RBMS1: variants seen among roughly 807,000 people sequenced by gnomAD.
RBMS1 encodes RNA-binding motif, single-stranded-interacting protein 1.
RBMS1 carries 17 observed loss-of-function variants against 62.3 expected under a neutral mutation model. That is an observed-to-expected ratio of 0.27 (90% confidence interval 0.19 to 0.41). The LOEUF (loss-of-function observed/expected upper bound fraction) is 0.41, where lower values mean the gene tolerates loss of function less well. Among genes scored for constraint, RBMS1 ranks in the 10% least tolerant of loss-of-function variants. The probability of loss-of-function intolerance (pLI) is 1.00; values close to 1 mark genes in which losing one functional copy is unlikely to be tolerated. For missense variants in RBMS1, 334 were observed against 504.5 expected (o/e 0.66, Z 3.24); for synonymous variants, 172 against 170.0 (o/e 1.01, Z -0.09).
chr2:160,453,013 C>T (rs976865617), intron 1 of RBMS1, among the ~76,000 whole-genome samples: 3 of 152,078 alleles, frequency 2.0e-5, no homozygotes, highest in Non-Finnish European at 2.9e-5. Flanking sequence ...ACAGGACTCA[C>T]GTAAGGATTA....
intron 1 of RBMS1, among the ~76,000 whole-genome samples, chr2:160,421,238 G>A (rs1163944698): frequency 6.6e-6 from 1 of 151,690 alleles, no homozygotes; most frequent in Non-Finnish European, 1.5e-5. Context: ...GCTAGTGTGC[G>A]GCACCCATTA....
chr2:160,418,944 A>G (rs1035750472), intron 1 of RBMS1, among the ~76,000 whole-genome samples: 1 of 152,224 alleles, frequency 6.6e-6, no homozygotes, highest in African/African-American at 2.4e-5. Context: ...ATGAATAAGC[A>G]ATATATTAAA....
chr2:160,418,378 C>T (rs1349734417), intron 1 of RBMS1, among the ~76,000 whole-genome samples: 1 of 152,096 alleles, frequency 6.6e-6, no homozygotes, highest in Non-Finnish European at 1.5e-5. Flanking sequence ...CTTTCTGGGT[C>T]TTCAGATTGG....
At chr2:160,275,580 A>G in intron 13 of RBMS1, 50 bp downstream of exon 13, 1 of 1,597,058 alleles carries the variant, frequency 6.3e-7, no homozygotes, top group South Asian at 1.1e-5. Flanking sequence ...AAAGCCCTAT[A>G]GATTGTGCTT....
At chr2:160,473,680 C>G (rs567363762) in intron 1 of RBMS1, among the ~76,000 whole-genome samples, 101 of 152,238 alleles carry the variant, frequency 6.6e-4, no homozygotes, top group Middle Eastern at 3.4e-3. Flanking sequence ...AAAATTTATT[C>G]AAAGCAATAG....
At chr2:160,385,656 C>A (rs138141103) in intron 1 of RBMS1, among the ~76,000 whole-genome samples, 4 of 152,326 alleles carry the variant, frequency 2.6e-5, no homozygotes, top group African/African-American at 7.2e-5. Flanking sequence ...TCACTTAGGA[C>A]AACTGAGAAG....
intron 2 of RBMS1, among the ~76,000 whole-genome samples, chr2:160,321,707 C>T (rs1690570826): frequency 6.6e-6 from 1 of 152,158 alleles, no homozygotes; most frequent in African/African-American, 2.4e-5. Flanking sequence ...CTCACTCTCC[C>T]AATCTCCTAC....
chr2:160,393,745 C>G (rs1694988905), intron 1 of RBMS1, among the ~76,000 whole-genome samples: 1 of 150,244 alleles, frequency 6.7e-6, no homozygotes. Context: ...CCATTGCACT[C>G]CAGCCTGGAC....
At chr2:160,276,457 G>A (rs1357100244) in intron 12 of RBMS1, among the ~76,000 whole-genome samples, 1 of 151,896 alleles carries the variant, frequency 6.6e-6, no homozygotes, top group African/African-American at 2.4e-5. Flanking sequence ...ATCCTTTCCT[G>A]GAATTGGAAC....
chr2:160,291,659 C>T lies in RBMS1; in HGVS notation c.641-4575G>A, dbSNP rs193062742. Among the ~76,000 whole-genome samples the T allele has an allele frequency of 1.5e-3, 234 of 152,236 alleles. 5 individuals carry two copies. Among genetic ancestry groups the T allele is most frequent in the Middle Eastern group, 0.01 (3 of 294 alleles). On this transcript the variant is annotated intron_variant, in intron 6 of 13. Transcript: ENST00000348849. The stretch of plus-strand genomic sequence containing the variant: ...TGTGCCTTAGGTAGTGTTTCTATCT[C>T]CAACCCAGTTTGAGAAGAGAGTAAC...
At position 160,385,981 on chromosome 2, in the gene RBMS1, A is replaced by T. The variant is rs1366129051; in HGVS notation, c.76-18590T>A. ...ATGGTATAATGTTTCTACACACAAAAACATGTGTTCTGACTTCAAAAAGCC... is the reference window on the plus strand; with the variant it reads ...ATGGTATAATGTTTCTACACACAAATACATGTGTTCTGACTTCAAAAAGCC... On this transcript the variant is annotated intron_variant, in intron 1 of 13. Coordinates refer to ENST00000348849, the MANE Select transcript of RBMS1 (RefSeq NM_016836.4). Among the ~76,000 whole-genome samples the T allele has an allele frequency of 2.0e-5, 3 of 152,198 alleles. No individual in the cohort carries two copies. The East Asian group carries it at 5.8e-4, about 29-fold the overall frequency.
chr2:160,314,814 C>T (rs1309521336), intron 3 of RBMS1, among the ~76,000 whole-genome samples: 2 of 152,072 alleles, frequency 1.3e-5, no homozygotes, highest in East Asian at 3.9e-4. Context: ...TACTCAACTA[C>T]CAGGTTAGAA....
intron 2 of RBMS1, among the ~76,000 whole-genome samples, chr2:160,323,461 G>C (rs1690694803): frequency 6.6e-6 from 1 of 151,856 alleles, no homozygotes; most frequent in Admixed American, 6.6e-5. Flanking sequence ...GGGTGACAGA[G>C]TGAGACCCCC....
At chr2:160,340,125 T>A (rs1691794083) in intron 2 of RBMS1, among the ~76,000 whole-genome samples, 1 of 151,588 alleles carries the variant, frequency 6.6e-6, no homozygotes, top group Non-Finnish European at 1.5e-5. Context: ...TTAATGTTAT[T>A]TTTTTCTAAT....
intron 1 of RBMS1, among the ~76,000 whole-genome samples, chr2:160,376,922 C>G (rs953531241): frequency 6.6e-6 from 1 of 152,184 alleles, no homozygotes; most frequent in African/African-American, 2.4e-5. Flanking sequence ...CCTGCCTCAG[C>G]CTTTCAAAGT....
At chr2:160,328,444 A>T (rs970817286) in intron 2 of RBMS1, among the ~76,000 whole-genome samples, 2 of 151,700 alleles carry the variant, frequency 1.3e-5, no homozygotes, top group Non-Finnish European at 2.9e-5. Flanking sequence ...CTCAACATAC[A>T]TTGGTTTGAG....
intron 6 of RBMS1, among the ~76,000 whole-genome samples, chr2:160,295,506 C>T (rs75157811): frequency 0.021 from 3,161 of 152,332 alleles, 45 homozygotes; most frequent in Non-Finnish European, 0.031. Context: ...CAGTAACGCT[C>T]TCAATGTAAA....
At chr2:160,339,489 TG>T (rs1691750449) in intron 2 of RBMS1, among the ~76,000 whole-genome samples, 1 of 152,176 alleles carries the variant, frequency 6.6e-6, no homozygotes. Flanking sequence ...AAATCATTTG[TG>T]GTGATCTAAA....
At chr2:160,321,017 A>T (rs1690530494) in intron 2 of RBMS1, among the ~76,000 whole-genome samples, 1 of 152,052 alleles carries the variant, frequency 6.6e-6, no homozygotes, top group South Asian at 2.1e-4. Context: ...CTCAGAGTTC[A>T]GGGCATTTTG....
Sources: gnomAD v4.1 joint callset for allele counts (sites outside exome capture counted in the v4.1 genomes callset) on GRCh38, gnomAD v4.1.1 for gene constraint, MANE v1.5 for transcripts, NCBI Gene and HGNC (gene_info 2026-07-23, HGNC 2026-07-21) for gene names.